The following SLC25A31 variants were observed in gnomAD, a reference collection of about 807,000 sequenced individuals.
The protein encoded by SLC25A31 is ADP/ATP translocase 4.
Under a neutral mutation model 36.2 loss-of-function variants are expected in SLC25A31, and 40 were observed. The observed-to-expected ratio is 1.10, with a 90% CI of 0.86 to 1.44. The LOEUF is 1.44. Ranked by LOEUF, SLC25A31 falls within the 40% of genes most tolerant of loss-of-function variation. SLC25A31 has a pLI of 0.00. For synonymous variants in SLC25A31, 143 were observed against 149.7 expected (o/e 0.96, Z 0.32); for missense variants, 350 against 397.1 (o/e 0.88, Z 1.01).
chr4:127,730,731 G>A lies in SLC25A31; in HGVS notation c.186G>A (p.Arg62=). Residue 62 remains arginine (R), a synonymous_variant, in exon 1 of 6, where the codon CGG becomes CGA. Coordinates refer to ENST00000281154, the MANE Select transcript of SLC25A31 (RefSeq NM_031291.4). The part of the protein sequence containing the change: ...ASSKQISPEA[R]YKGMVDCLVR... ...CGAAGCAGATCAGCCCCGAGGCGCG[G>A]TACAAAGGCATGGTGGACTGCCTGG... 6 of 1,613,782 alleles carry A rather than the reference G, an allele frequency of 3.7e-6. No homozygotes were observed. Among genetic ancestry groups the A allele is most frequent in the Non-Finnish European group, 5.1e-6 (6 of 1,179,924 alleles).
chr4:127,762,377 A>T (rs555025126), intron 2 of SLC25A31, among the ~76,000 whole-genome samples: 1 of 152,158 alleles, frequency 6.6e-6, no homozygotes, highest in Admixed American at 6.5e-5. Context: ...AGGATAAGCA[A>T]ATATATAGAG....
intron 2 of SLC25A31, among the ~76,000 whole-genome samples, chr4:127,750,128 G>A (rs1475421551): frequency 1.3e-5 from 2 of 152,094 alleles, no homozygotes; most frequent in Non-Finnish European, 2.9e-5. Flanking sequence ...CACATTTCAA[G>A]GCAAAAGCTA....
At chr4:127,762,821 G>A (rs529209762) in intron 2 of SLC25A31, among the ~76,000 whole-genome samples, 1 of 152,144 alleles carries the variant, frequency 6.6e-6, no homozygotes, top group African/African-American at 2.4e-5. Flanking sequence ...CTACTCAGGA[G>A]GCTGAGGCAG....
In SLC25A31 at chr4:127,773,576, C is replaced by T. The variant is rs778167963; in HGVS notation, c.*2C>T. 18 of 1,563,170 alleles carry T rather than the reference C, an allele frequency of 1.2e-5. No individual in the cohort carries two copies. The highest frequency in any genetic ancestry group is 1.1e-4 in the South Asian group (9 of 82,558). ...CATATTGATATTGGTGGTAGGTAATCGGGAGAGTAAATTAAGAAATACATG... is the reference window on the plus strand; with the variant it reads ...CATATTGATATTGGTGGTAGGTAATTGGGAGAGTAAATTAAGAAATACATG... On this transcript the variant is annotated 3_prime_UTR_variant, in exon 6 of 6. Transcript: ENST00000281154.
At chr4:127,750,451 A>T (rs1007811011) in intron 2 of SLC25A31, among the ~76,000 whole-genome samples, 2 of 152,232 alleles carry the variant, frequency 1.3e-5, no homozygotes, top group Non-Finnish European at 2.9e-5. Flanking sequence ...TAAAGTCAAA[A>T]ATTGTAATTT....
chr4:127,766,340 G>A (rs1732243560), intron 3 of SLC25A31, among the ~76,000 whole-genome samples: 1 of 151,624 alleles, frequency 6.6e-6, no homozygotes, highest in African/African-American at 2.4e-5. Context: ...GCTAATTTTT[G>A]TATTTTTAAT....
Position 127,730,672 on chromosome 4 carries a change from C to T in SLC25A31, c.127C>T (p.Arg43Trp), listed in dbSNP as rs368029351. ...VSKTAVAPIE[R>W]VKLLLQVQAS... ...CAAGACAGCGGTGGCGCCCATCGAGCGGGTGAAGCTGCTGCTGCAGGTGCA... is the reference window on the plus strand; with the variant it reads ...CAAGACAGCGGTGGCGCCCATCGAGTGGGTGAAGCTGCTGCTGCAGGTGCA... Residue 43 changes from arginine to tryptophan, a missense_variant, in exon 1 of 6, where the codon CGG becomes TGG. Coordinates refer to ENST00000281154, the MANE Select transcript of SLC25A31 (RefSeq NM_031291.4). 3.7e-6 allele frequency: 6 copies of T among 1,613,772 alleles called. No individual in the cohort carries two copies. Among genetic ancestry groups the T allele is most frequent in the African/African-American group, 1.3e-5 (1 of 74,932 alleles).
intron 2 of SLC25A31, among the ~76,000 whole-genome samples, chr4:127,746,436 C>G (rs1731826876): frequency 6.6e-6 from 1 of 152,210 alleles, no homozygotes; most frequent in Non-Finnish European, 1.5e-5. Context: ...TCTCCACAAC[C>G]TCGCCAGCAT....
Position 127,744,669 on chromosome 4 carries a change from T to C in SLC25A31, c.233-3T>C, listed in dbSNP as rs376651294. ...TTATGTATTTATATGTTTCCCTCTG[T>C]AGGTTTCTTCAGTTTTTGGCGTGGC... is the stretch of plus-strand genomic sequence containing the variant. On this transcript the variant is annotated splice_region_variant and splice_polypyrimidine_tract_variant and intron_variant, in intron 1 of 5. Coordinates refer to ENST00000281154, the MANE Select transcript of SLC25A31 (RefSeq NM_031291.4). 27 of 1,591,702 alleles carry C rather than the reference T, an allele frequency of 1.7e-5. No individual in the cohort carries two copies. Among genetic ancestry groups the C allele is most frequent in the African/African-American group, 2.7e-5 (2 of 73,774 alleles).
At chr4:127,762,677 G>T (rs564268224) in intron 2 of SLC25A31, among the ~76,000 whole-genome samples, 1 of 152,198 alleles carries the variant, frequency 6.6e-6, no homozygotes, top group East Asian at 1.9e-4. Context: ...CCAGCACTTT[G>T]GGAGGCCTAG....
rs762459993 is a variant in SLC25A31 at position 127,768,802 on chromosome 4, T to C, written c.684T>C (p.Ile228=). Residue 228 remains isoleucine, a synonymous_variant, in exon 5 of 6, where the codon ATT becomes ATC. Coordinates refer to ENST00000281154, the MANE Select transcript of SLC25A31 (RefSeq NM_031291.4). ...CTCCATTTCTTGTCTCCTTTTTCAT[T>C]GCTCAAGTTGTGACTACATGCTCTG... is the stretch of plus-strand genomic sequence containing the variant. ...KKTPFLVSFF[I]AQVVTTCSGI... The C allele has an allele frequency of 2.5e-6, 4 of 1,608,876 alleles. No homozygotes were observed. The South Asian group carries it at 4.5e-5, about 18-fold the overall frequency.
intron 5 of SLC25A31, among the ~76,000 whole-genome samples, chr4:127,772,644 G>C (rs1462624599): frequency 6.6e-6 from 1 of 151,838 alleles, no homozygotes; most frequent in Non-Finnish European, 1.5e-5. Context: ...ATATTTCAAG[G>C]TCATTAATTT....
chr4:127,730,856 G>T, intron 1 of SLC25A31, 79 bp downstream of exon 1: 1 of 1,353,378 alleles, frequency 7.4e-7, no homozygotes, highest in East Asian at 2.5e-5. Context: ...GCTGGGAGGG[G>T]CATGATTGTG....
chr4:127,739,923 G>T (rs149025089), intron 1 of SLC25A31, among the ~76,000 whole-genome samples: 1 of 151,864 alleles, frequency 6.6e-6, no homozygotes, highest in East Asian at 1.9e-4. Context: ...AATTCCATAA[G>T]ATCTCATTGA....
rs758837076 is a variant in SLC25A31 at position 127,768,828 on chromosome 4, G to A, written c.710G>A (p.Gly237Glu). Reference protein sequence around the residue: ...FIAQVVTTCSGILSYPFDTVR... With the variant: ...FIAQVVTTCSEILSYPFDTVR... ...GCTCAAGTTGTGACTACATGCTCTG[G>A]AATACTTTCTTATCCCTTTGACACA... is the stretch of plus-strand genomic sequence containing the variant. Residue 237 changes from glycine to glutamate, a missense_variant, in exon 5 of 6, where the codon GGA becomes GAA. Coordinates refer to ENST00000281154, the MANE Select transcript of SLC25A31 (RefSeq NM_031291.4). The A allele has an allele frequency of 1.2e-6, 2 of 1,608,126 alleles. No homozygotes were observed. Among genetic ancestry groups the A allele is most frequent in the South Asian group, 2.2e-5 (2 of 89,742 alleles).
chr4:127,768,732 G>A lies in SLC25A31; in HGVS notation c.634-20G>A. 1 of 1,562,128 alleles carries A rather than the reference G, an allele frequency of 6.4e-7. No homozygotes were observed. Among genetic ancestry groups the A allele is most frequent in the Non-Finnish European group, 8.6e-7 (1 of 1,159,780 alleles). On this transcript the variant is annotated intron_variant, in intron 4 of 5. Coordinates refer to ENST00000281154, the MANE Select transcript of SLC25A31 (RefSeq NM_031291.4). The stretch of plus-strand genomic sequence containing the variant: ...ATTTTAGAAATTTGGATAGTTACTT[G>A]GCACATTTTTCTTTTCTAGGGTTTA...
At chr4:127,750,415 G>A (rs2148758163) in intron 2 of SLC25A31, among the ~76,000 whole-genome samples, 1 of 152,206 alleles carries the variant, frequency 6.6e-6, no homozygotes, top group African/African-American at 2.4e-5. Context: ...GACTCATGAT[G>A]GGATTATTTC....
intron 2 of SLC25A31, among the ~76,000 whole-genome samples, chr4:127,760,940 C>T (rs777503572): frequency 9.2e-5 from 14 of 152,078 alleles, no homozygotes; most frequent in Non-Finnish European, 1.5e-4. Context: ...CCAGCCTGGG[C>T]GGGGGGAAAA....
At position 127,751,508 on chromosome 4, in the gene SLC25A31, A is replaced by G. The variant is rs1731931651; in HGVS notation, c.360+6709A>G. 5.3e-5 allele frequency among the ~76,000 whole-genome samples: 8 copies of G among 152,356 alleles called. No individual in the cohort carries two copies. The South Asian group carries it at 1.7e-3, about 32-fold the overall frequency. ...AGGCAATACCATTCTGGACATAGGCATGGGCAAGGACTTCATGTCTAAAAC... is the reference window on the plus strand; with the variant it reads ...AGGCAATACCATTCTGGACATAGGCGTGGGCAAGGACTTCATGTCTAAAAC... On this transcript the variant is annotated intron_variant, in intron 2 of 5. Transcript: ENST00000281154.
Sources: allele counts gnomAD v4.1 joint callset (sites outside exome capture counted in the v4.1 genomes callset), GRCh38; gene constraint gnomAD v4.1.1; transcripts MANE v1.5; gene names NCBI Gene and HGNC (gene_info 2026-07-23, HGNC 2026-07-21).